The following LILRB5 variants were observed in gnomAD, a reference collection of about 807,000 sequenced individuals.
LILRB5 encodes leukocyte immunoglobulin-like receptor subfamily B member 5.
In LILRB5, 61 loss-of-function variants were observed where a neutral mutation model predicts 68.4. The observed-to-expected ratio is 0.89, with a 90% CI of 0.73 to 1.10. The LOEUF is 1.10. LILRB5 is among the 50% of genes least tolerant of loss of function. LILRB5 has a pLI of 0.00. For missense variants in LILRB5, 771 were observed against 751.6 expected, an observed-to-expected ratio of 1.03 and a Z score of -0.30; for synonymous variants, 356 against 315.8, an observed-to-expected ratio of 1.13 and a Z score of -1.35.
At position 54,257,184 on chromosome 19, in the gene LILRB5, T is replaced by G. The variant is rs202067358; in HGVS notation, c.10A>C (p.Thr4Pro). 1 of 1,613,600 alleles carries G rather than the reference T, an allele frequency of 6.2e-7. No homozygotes were observed. Among genetic ancestry groups the G allele is most frequent in the Admixed American group, 1.7e-5 (1 of 59,956 alleles). ...CCGAGGCAAATCAGGACTGAGAGGG[T>G]GAGGGTCATGGCGTCAGCTCCCACT... MTL[T>P]LSVLICLGLS... The change falls in exon 1 of 13, where the codon ACC becomes CCC. Residue 4 changes from threonine to proline, a missense_variant. By Grantham distance (38) the Thr-to-Pro change is conservative. Transcript: ENST00000449561.
In LILRB5 at chr19:54,255,512, C is replaced by T. The variant is rs945408783; in HGVS notation, c.726G>A (p.Leu242=). ...SVVARGGSLT[L]QCRSDVGYDI... is the part of the protein sequence containing the mutation. ...CATAGCCGACATCAGAGCGACACTGCAGGGTCAGGCTGCCTCCGCGGGCCA... is the reference window on the plus strand; with the variant it reads ...CATAGCCGACATCAGAGCGACACTGTAGGGTCAGGCTGCCTCCGCGGGCCA... Residue 242 remains leucine, a synonymous_variant, in exon 5 of 13, where the codon CTG becomes CTA. Coordinates refer to ENST00000449561, the MANE Select transcript of LILRB5 (RefSeq NM_001081442.3). 1.9e-6 allele frequency: 3 copies of T among 1,614,028 alleles called. No individual in the cohort carries two copies. Among genetic ancestry groups the T allele is most frequent in the Non-Finnish European group, 2.5e-6 (3 of 1,179,972 alleles).
In LILRB5 at chr19:54,251,126, G is replaced by A. The variant is rs686335; in HGVS notation, c.1630-194C>T. ...TCTCCTAGGTCTGGAGTGTTTCACC[G>A]GGGCATACGTCACTGCCTGGGGGTC... On this transcript the variant is annotated intron_variant, in intron 12 of 12. Coordinates refer to ENST00000449561, the MANE Select transcript of LILRB5 (RefSeq NM_001081442.3). 12 of 1,491,410 alleles carry A rather than the reference G, an allele frequency of 8.0e-6. 1 individual carries two copies. Among genetic ancestry groups the A allele is most frequent in the African/African-American group, 5.7e-5 (4 of 70,732 alleles). 92.4% of individuals were successfully genotyped at this position (1,491,410 alleles called of 1,614,324 possible). A position where few individuals can be genotyped will look rare whatever the true frequency, so the allele number is the denominator to read the frequency against.
In LILRB5 at chr19:54,255,277, G is replaced by T; in HGVS notation, c.952+9C>A. Reference sequence around the variant, plus strand: ...CTGGGTCCCTGACTGAACCCGCTGGGCTCCTCACCTGCGATCAGGATGTCC... The same window carrying T: ...CTGGGTCCCTGACTGAACCCGCTGGTCTCCTCACCTGCGATCAGGATGTCC... On this transcript the variant is annotated intron_variant, in intron 5 of 12. Transcript: ENST00000449561. The T allele has an allele frequency of 1.2e-6, 2 of 1,612,216 alleles. No homozygotes were observed. Among genetic ancestry groups the T allele is most frequent in the Non-Finnish European group, 1.7e-6 (2 of 1,179,552 alleles).
At position 54,254,875 on chromosome 19, in the gene LILRB5, T is replaced by G; in HGVS notation, c.1115A>C (p.Gln372Pro). Reference sequence around the variant, plus strand: ...GAATTCAGCCTGGTGTCTATAAGACTGGTACTTTGACTTTAGACACAGCGG... The same window carrying G: ...GAATTCAGCCTGGTGTCTATAAGACGGGTACTTTGACTTTAGACACAGCGG... ...HPPLCLKSKY[Q>P]SYRHQAEFSM... Residue 372 changes from glutamine (Q) to proline (P), a missense_variant, in exon 6 of 13, where the codon CAG becomes CCG. Coordinates refer to ENST00000449561, the MANE Select transcript of LILRB5 (RefSeq NM_001081442.3). 1 of 1,614,134 alleles carries G rather than the reference T, an allele frequency of 6.2e-7. No individual in the cohort carries two copies. Among genetic ancestry groups the G allele is most frequent in the African/African-American group, 1.3e-5 (1 of 75,040 alleles).
Position 54,255,524 on chromosome 19 carries a change from G to A in LILRB5, c.714C>T (p.Gly238=), listed in dbSNP as rs2079107706. 1.9e-6 allele frequency: 3 copies of A among 1,613,972 alleles called. No individual in the cohort carries two copies. Among genetic ancestry groups the A allele is most frequent in the Admixed American group, 3.3e-5 (2 of 60,020 alleles). Residue 238 remains glycine (G), a synonymous_variant, in exon 5 of 13, where the codon GGC becomes GGT. Coordinates refer to ENST00000449561, the MANE Select transcript of LILRB5 (RefSeq NM_001081442.3). ...CAGAGCGACACTGCAGGGTCAGGCT[G>A]CCTCCGCGGGCCACGACAGAGCCCT... The part of the protein sequence containing the change: ...IPQGSVVARG[G]SLTLQCRSDV...
At position 54,256,585 on chromosome 19, in the gene LILRB5, A is replaced by G. The variant is rs758339553; in HGVS notation, c.259T>C (p.Ser87Pro). 1.9e-6 allele frequency: 3 copies of G among 1,614,102 alleles called. No individual in the cohort carries two copies. Among genetic ancestry groups the G allele is most frequent in the South Asian group, 1.1e-5 (1 of 91,086 alleles). Residue 87 changes from serine to proline, a missense_variant, in exon 3 of 13, where the codon TCC (serine) becomes CCC (proline). By Grantham distance (74) the Ser-to-Pro change is moderately conservative. Coordinates refer to ENST00000449561, the MANE Select transcript of LILRB5 (RefSeq NM_001081442.3). ...PGAKAKFHIP[S>P]TVYDSAGRYR... ...CGCCCTGCACTGTCATACACCGTGG[A>G]TGGAATGTGGAACTTGGCCTTGGCT...
Position 54,257,165 on chromosome 19 carries a change from C to A in LILRB5, c.29G>T (p.Cys10Phe). 1 of 1,614,200 alleles carries A rather than the reference C, an allele frequency of 6.2e-7. No individual in the cohort carries two copies. The highest frequency in any genetic ancestry group is 8.5e-7 in the Non-Finnish European group (1 of 1,180,038). The change falls in exon 1 of 13, where the codon TGC becomes TTC. Residue 10 changes from cysteine to phenylalanine, a missense_variant. Coordinates refer to ENST00000449561, the MANE Select transcript of LILRB5 (RefSeq NM_001081442.3). ...TCCCCCTCTTCAAACCTCACCGAGG[C>A]AAATCAGGACTGAGAGGGTGAGGGT... Reference protein sequence around the residue: MTLTLSVLICLGLSVGPRTC... With the variant: MTLTLSVLIFLGLSVGPRTC...
rs1056861191 is a variant in LILRB5 at position 54,255,371 on chromosome 19, G to T, written c.867C>A (p.His289Gln). The change falls in exon 5 of 13, where the codon CAC becomes CAA. Residue 289 changes from histidine to glutamine, a missense_variant. By Grantham distance (24) the His-to-Gln change is conservative. Coordinates refer to ENST00000449561, the MANE Select transcript of LILRB5 (RefSeq NM_001081442.3). ...NFTLGPVSRS[H>Q]GGQYRCYGAH... ...CACCGTAGCATCTGTACTGGCCCCC[G>T]TGGGAGCGGCTCACAGGGCCCAGGG... 6.2e-7 allele frequency: 1 copy of T among 1,614,116 alleles called. No homozygotes were observed.
chr19:54,251,568 T>C, intron 12 of LILRB5: 1 of 556,658 alleles, frequency 1.8e-6, no homozygotes. Context: ...GCCCTTTCCC[T>C]GGTTTATGTT....
chr19:54,252,542 G>A lies in LILRB5; in HGVS notation c.1482C>T (p.Phe494=), dbSNP rs2078994747. Reference sequence around the variant, plus strand: ...GCCCCGCAGCCCCTGCAGGACGGTAGAAATGGGCTGGACAGAGATGGACAG... The same window carrying A: ...GCCCCGCAGCCCCTGCAGGACGGTAAAAATGGGCTGGACAGAGATGGACAG... ...HQSKHRTSAH[F]YRPAGAAGPE... Residue 494 remains phenylalanine (F), a synonymous_variant, in exon 10 of 13, where the codon TTC becomes TTT. Transcript: ENST00000449561. 4 of 1,613,812 alleles carry A rather than the reference G, an allele frequency of 2.5e-6. No homozygotes were observed. The highest frequency in any genetic ancestry group is 3.4e-6 in the Non-Finnish European group (4 of 1,179,970).
intron 9 of LILRB5, 156 bp downstream of exon 9, chr19:54,252,715 G>T (rs2079000413): frequency 9.9e-7 from 1 of 1,006,602 alleles, no homozygotes; most frequent in Non-Finnish European, 1.5e-6. Context: ...TTCCACACAT[G>T]CTCACATTTA....
At chr19:54,256,406 G>A (rs2079144448) in intron 3 of LILRB5, 64 bp from the exon 4 acceptor site, 7 of 1,591,554 alleles carry the variant, frequency 4.4e-6, no homozygotes, top group Non-Finnish European at 5.1e-6. Flanking sequence ...CCAGGGCTGG[G>A]CTGTGAGAGG....
intron 8 of LILRB5, chr19:54,253,785 C>A: frequency 7.0e-7 from 1 of 1,421,692 alleles, no homozygotes; most frequent in Non-Finnish European, 9.6e-7. Context: ...AAACCACGGC[C>A]CTGCTCCCCT....
At position 54,256,500 on chromosome 19, in the gene LILRB5, A is replaced by G. The variant is rs916560501; in HGVS notation, c.344T>C (p.Leu115Pro). The change falls in exon 3 of 13, where the codon CTG becomes CCG. Residue 115 changes from leucine (L) to proline (P), a missense_variant. By Grantham distance (98) the Leu-to-Pro change is moderately conservative (BLOSUM62 -3). Coordinates refer to ENST00000449561, the MANE Select transcript of LILRB5 (RefSeq NM_001081442.3). ...GWSEPSDPLE[L>P]VATGFYAEPT... ...GAGTGTCCTCTCACCTGTCGCCACC[A>G]GCTCCAGGGGGTCACTGGGCTCTGA... 10 of 1,613,894 alleles carry G rather than the reference A, an allele frequency of 6.2e-6. No individual in the cohort carries two copies. Among genetic ancestry groups the G allele is most frequent in the Non-Finnish European group, 8.5e-6 (10 of 1,179,988 alleles).
intron 1 of LILRB5, 64 bp from the exon 2 acceptor site, chr19:54,257,060 G>T (rs372548552): frequency 3.0e-5 from 49 of 1,613,856 alleles, no homozygotes; most frequent in Non-Finnish European, 4.0e-5. Flanking sequence ...CTCCTCCCTC[G>T]GAGCCTCTGA....
rs763122689 is a variant in LILRB5, at chr19:54,252,949, C to T, written c.1396G>A (p.Val466Met). The T allele has an allele frequency of 1.3e-6, 2 of 1,578,212 alleles. No individual in the cohort carries two copies. Among genetic ancestry groups the T allele is most frequent in the South Asian group, 1.1e-5 (1 of 90,728 alleles). ...AGGAACAGCAGCAGGACGAAGGCCA[C>T]TGAGACCCCAGTCACAACCCCCAGG... Reference protein sequence around the residue: ...RHLGVVTGVSVAFVLLLFLLL... With the variant: ...RHLGVVTGVSMAFVLLLFLLL... The change falls in exon 9 of 13, where the codon GTG (valine) becomes ATG (methionine). Residue 466 changes from valine (V) to methionine (M), a missense_variant. Coordinates refer to ENST00000449561, the MANE Select transcript of LILRB5 (RefSeq NM_001081442.3).
intron 9 of LILRB5, 105 bp downstream of exon 9, chr19:54,252,766 G>A: frequency 3.4e-6 from 4 of 1,165,016 alleles, no homozygotes; most frequent in Non-Finnish European, 4.9e-6. Flanking sequence ...GGGAATTTCT[G>A]GAGCAGTTTT....
rs201004751 is a variant in LILRB5, at chr19:54,252,904, G to A, written c.1441C>T (p.Arg481Ter). Reference sequence around the variant, plus strand: ...CTGTGTTTGCTCTGATGCCGATGTCGGAGGAGGAGGAAGAGGAGGAGGAAC... The same window carrying A: ...CTGTGTTTGCTCTGATGCCGATGTCAGAGGAGGAGGAAGAGGAGGAGGAAC... The part of the protein sequence containing the change: ...LLFLLLFLLL[R>*]HRHQSKHRTS... Residue 481 changes from arginine to a stop codon, truncating the protein, a stop_gained, in exon 9 of 13, where the codon CGA becomes TGA. Coordinates refer to ENST00000449561, the MANE Select transcript of LILRB5 (RefSeq NM_001081442.3). LOFTEE classifies it high-confidence loss of function. The A allele has an allele frequency of 5.7e-5, 91 of 1,593,724 alleles. No individual in the cohort carries two copies. The East Asian group carries it at 9.3e-4, about 16-fold the overall frequency.
Position 54,256,511 on chromosome 19 carries a change from G to T in LILRB5, c.333C>A (p.Asp111Glu). 1 of 1,614,120 alleles carries T rather than the reference G, an allele frequency of 6.2e-7. No individual in the cohort carries two copies. Among genetic ancestry groups the T allele is most frequent in the East Asian group, 2.2e-5 (1 of 44,894 alleles). ...ETPAGWSEPS[D>E]PLELVATGFY... Reference sequence around the variant, plus strand: ...CACCTGTCGCCACCAGCTCCAGGGGGTCACTGGGCTCTGACCAGCCTGCAG... The same window carrying T: ...CACCTGTCGCCACCAGCTCCAGGGGTTCACTGGGCTCTGACCAGCCTGCAG... Residue 111 changes from aspartate to glutamate, a missense_variant, in exon 3 of 13, where the codon GAC becomes GAA. Coordinates refer to ENST00000449561, the MANE Select transcript of LILRB5 (RefSeq NM_001081442.3).
Sources: allele counts gnomAD v4.1 joint callset, GRCh38; gene constraint gnomAD v4.1.1; transcripts MANE v1.5; gene names NCBI Gene and HGNC (gene_info 2026-07-23, HGNC 2026-07-21).